ZSCAN31: variants seen among roughly 807,000 people sequenced by gnomAD.
ZSCAN31 encodes the protein zinc finger and SCAN domain-containing protein 31.
A neutral mutation model predicts 22.5 loss-of-function variants in ZSCAN31; 14 were observed. The observed-to-expected ratio is 0.62, with a 90% confidence interval of 0.41 to 0.97. The LOEUF (loss-of-function observed/expected upper bound fraction) is 0.97. Among genes scored for constraint, ZSCAN31 ranks in the 50% least tolerant of loss-of-function variants. The pLI is 0.00. For synonymous variants in ZSCAN31, 168 were observed against 169.8 expected (o/e 0.99, Z 0.08); for missense variants, 424 against 483.4 (o/e 0.88, Z 1.15).
chr6:28,354,181 T>TTC (rs1561931146), exon 1 of ZSCAN31: 4 of 338,240 alleles, frequency 1.2e-5, no homozygotes, highest in East Asian at 7.9e-5. Flanking sequence ...TCAGCAGTTT[T>TTC]TCTCTCTCTC....
At chr6:28,354,186 T>C (rs554970047) in exon 1 of ZSCAN31, 69 of 346,086 alleles carry the variant, frequency 2.0e-4, no homozygotes, top group Admixed American at 1.4e-3. Flanking sequence ...AGTTTTTCTC[T>C]CTCTCTCTGG....
chr6:28,334,474 T>C (rs887195842), intron 1 of ZSCAN31, among the ~76,000 whole-genome samples: 1 of 152,228 alleles, frequency 6.6e-6, no homozygotes, highest in Non-Finnish European at 1.5e-5. Flanking sequence ...CACGTCAGCA[T>C]AATTAACAAC....
At chr6:28,337,395 G>A (rs1764229847), upstream of ZSCAN31, among the ~76,000 whole-genome samples, 1 of 152,166 alleles carries the variant, frequency 6.6e-6, no homozygotes, top group South Asian at 2.1e-4. Flanking sequence ...AGCCATGTGG[G>A]GATGGACTGT....
At position 28,331,583 on chromosome 6, in the gene ZSCAN31, T is replaced by A. The variant is rs1763745624; in HGVS notation, c.-95-1805A>T. Among the ~76,000 whole-genome samples, 1 of 151,878 alleles carries A rather than the reference T, an allele frequency of 6.6e-6. No homozygotes were observed. Among genetic ancestry groups the A allele is most frequent in the Non-Finnish European group, 1.5e-5 (1 of 68,036 alleles). On this transcript the variant is annotated intron_variant, in intron 1 of 3. Transcript: ENST00000344279. This position sits in a 1 kb window ranked among gnomAD's most constrained non-coding sequence, Gnocchi z 4.8. ...ATGGCATTTATTCTTTGTCAATGTCTAATGCCAAATGTATATCTTTTTACT... is the reference window on the plus strand; with the variant it reads ...ATGGCATTTATTCTTTGTCAATGTCAAATGCCAAATGTATATCTTTTTACT...
rs1378233751 is a variant in ZSCAN31, at chr6:28,351,743, CCT to C, written c.-371+2117_-371+2118del. 6.6e-6 allele frequency among the ~76,000 whole-genome samples: 1 copy of C among 151,686 alleles called. No homozygotes were observed. The highest frequency in any genetic ancestry group is 2.4e-5 in the African/African-American group (1 of 41,216). On this transcript the variant is annotated intron_variant, in intron 2 of 7. Coordinates refer to the ZSCAN31 transcript ENST00000396838. This position sits in a 1 kb window ranked among gnomAD's most constrained non-coding sequence, Gnocchi z 4.6. ...CTTCCTTTCCTTCCCTCCCTCTCCC[CCT>C]CTTTATCTCTTTTTTTTCCTCATTT...
Position 28,326,216 on chromosome 6 carries a change from G to T in ZSCAN31, c.1171C>A (p.Arg391=), listed in dbSNP as rs752808108. ...CSQCSKLFSK[R]TLLKKHQKIH... ...TTCTGATGTTTCTTAAGAAGTGTCCGCTTACTAAAGAGTTTACTGCACTGA... is the reference window on the plus strand; with the variant it reads ...TTCTGATGTTTCTTAAGAAGTGTCCTCTTACTAAAGAGTTTACTGCACTGA... Residue 391 remains arginine, a synonymous_variant, in exon 4 of 4, where the codon CGG becomes AGG. Transcript: ENST00000344279. The T allele has an allele frequency of 1.2e-6, 2 of 1,612,438 alleles. No homozygotes were observed. The highest frequency in any genetic ancestry group is 1.7e-6 in the Non-Finnish European group (2 of 1,179,252).
chr6:28,329,759 T>A lies in ZSCAN31; in HGVS notation c.-76A>T. ...TGTGATTTAAAATTTTCTGATTTAA[T>A]CTTCCTTAGGAGAAGACACCTGATG... On this transcript the variant is annotated 5_prime_UTR_variant, in exon 2 of 4. Transcript: ENST00000344279. The A allele has an allele frequency of 6.7e-7, 1 of 1,502,590 alleles. No homozygotes were observed. Among genetic ancestry groups the A allele is most frequent in the South Asian group, 1.3e-5 (1 of 74,232 alleles). 93.1% of individuals were successfully genotyped at this position (1,502,590 alleles called of 1,614,324 possible). A position where few individuals can be genotyped will look rare whatever the true frequency, so the allele number is the denominator to read the frequency against.
At position 28,326,087 on chromosome 6, in the gene ZSCAN31, T is replaced by C; in HGVS notation, c.*79A>G. Reference sequence around the variant, plus strand: ...CTGAGGGTCCACAGAATTAGTCCAGTTCTGCTGGAACAGTATGGATTCTAA... The same window carrying C: ...CTGAGGGTCCACAGAATTAGTCCAGCTCTGCTGGAACAGTATGGATTCTAA... On this transcript the variant is annotated 3_prime_UTR_variant, in exon 4 of 4. Transcript: ENST00000344279. The C allele has an allele frequency of 7.4e-7, 1 of 1,359,968 alleles. No individual in the cohort carries two copies. The highest frequency in any genetic ancestry group is 1.0e-6 in the Non-Finnish European group (1 of 996,140). 84.2% of individuals were successfully genotyped at this position (1,359,968 alleles called of 1,614,324 possible).
rs35814746 is a variant in ZSCAN31 at position 28,331,311 on chromosome 6, T to C, written c.-95-1533A>G. ...GACTTTAGTGGTGTAATTTAAGTTT[T>C]ATATGATTTTTGCCCAATGCTAATT... On this transcript the variant is annotated intron_variant, in intron 1 of 3. Coordinates refer to ENST00000344279, the MANE Select transcript of ZSCAN31 (RefSeq NM_030899.5). The surrounding 1 kb of genome is among the most constrained non-coding windows in gnomAD (Gnocchi z 4.8). Among the ~76,000 whole-genome samples the C allele has an allele frequency of 0.042, 6,341 of 152,338 alleles. 223 individuals are homozygous for C. The highest frequency in any genetic ancestry group is 0.073 in the Non-Finnish European group (4,933 of 68,018).
chr6:28,329,425 A>G lies in ZSCAN31; in HGVS notation c.259T>C (p.Phe87Leu), dbSNP rs1392602646. 1 of 1,614,128 alleles carries G rather than the reference A, an allele frequency of 6.2e-7. No individual in the cohort carries two copies. The highest frequency in any genetic ancestry group is 1.3e-5 in the African/African-American group (1 of 75,028). The change falls in exon 2 of 4, where the codon TTC (phenylalanine) becomes CTC (leucine). Residue 87 changes from phenylalanine to leucine, a missense_variant. Physicochemically the swap from Phe to Leu is conservative, Grantham distance 22. Coordinates refer to ENST00000344279, the MANE Select transcript of ZSCAN31 (RefSeq NM_030899.5). ...AGCTCCTCAGGCAGGATAGTCAGGA[A>G]TTGCTCCAGCACCAGCAGCTCCAAG... ...QILELLVLEQ[F>L]LTILPEELQA...
chr6:28,330,378 G>A (rs1022989754), intron 1 of ZSCAN31, among the ~76,000 whole-genome samples: 2 of 152,158 alleles, frequency 1.3e-5, no homozygotes, highest in Non-Finnish European at 1.5e-5. Context: ...TGCCACCAAC[G>A]TTTTGTGGCT....
In ZSCAN31 at chr6:28,347,935, A is replaced by G. The variant is rs1764710804; in HGVS notation, c.-371+5927T>C. 6.6e-6 allele frequency among the ~76,000 whole-genome samples: 1 copy of G among 152,232 alleles called. No individual in the cohort carries two copies. Among genetic ancestry groups the G allele is most frequent in the Non-Finnish European group, 1.5e-5 (1 of 68,038 alleles). ...GTTATTACTCAGGTGTTGGTATAAA[A>G]TGATTTAAAATTTGCCTTTATTTAA... On this transcript the variant is annotated intron_variant, in intron 2 of 7. Transcript: ENST00000396838. This position sits in a 1 kb window ranked among gnomAD's most constrained non-coding sequence, Gnocchi z 5.2.
At chr6:28,346,098 T>C (rs1316186527) in intron 2 of ZSCAN31, among the ~76,000 whole-genome samples, 5 of 152,058 alleles carry the variant, frequency 3.3e-5, no homozygotes, top group Non-Finnish European at 7.4e-5. Flanking sequence ...AGAAGAACAC[T>C]TTCACCATGA....
In ZSCAN31 at chr6:28,333,061, GA is replaced by G. The variant is rs1763882305; in HGVS notation, c.-96+3020del. 2.0e-5 allele frequency among the ~76,000 whole-genome samples: 3 copies of G among 152,206 alleles called. No individual in the cohort carries two copies. The highest frequency in any genetic ancestry group is 1.3e-4 in the Admixed American group (2 of 15,280). ...TAGTGGAGTTGATGACTTGACTGCA[GA>G]AACAGTCAAAGACATCCTAGAATTC... On this transcript the variant is annotated intron_variant, in intron 1 of 3. Coordinates refer to ENST00000344279, the MANE Select transcript of ZSCAN31 (RefSeq NM_030899.5). The surrounding 1 kb of genome is among the most constrained non-coding windows in gnomAD (Gnocchi z 4.1).
intron 3 of ZSCAN31, chr6:28,341,687 C>G (rs781440917): frequency 6.6e-6 from 1 of 152,258 alleles, no homozygotes; most frequent in African/African-American, 2.4e-5. Flanking sequence ...AAAATTGGAG[C>G]ATGCATCCTC....
chr6:28,327,492 C>T lies in ZSCAN31; in HGVS notation c.423G>A (p.Glu141=), dbSNP rs1158428981. 1.9e-6 allele frequency: 3 copies of T among 1,613,738 alleles called. No homozygotes were observed. Among genetic ancestry groups the T allele is most frequent in the East Asian group, 2.2e-5 (1 of 44,878 alleles). The change falls in exon 3 of 4, where the codon GAG becomes GAA. Residue 141 remains glutamate (E), a synonymous_variant. Coordinates refer to ENST00000344279, the MANE Select transcript of ZSCAN31 (RefSeq NM_030899.5). ...HEHGHSEVLL[E]DVEHLKVKQE... ...GCTTGACCTTCAGATGTTCCACATC[C>T]TCCAAGAGCACTTCAGAATGTCCAT...
At chr6:28,332,634 A>G (rs988385345) in intron 1 of ZSCAN31, among the ~76,000 whole-genome samples, 28 of 152,238 alleles carry the variant, frequency 1.8e-4, no homozygotes, top group Admixed American at 1.7e-3. Flanking sequence ...TAGTAAATTG[A>G]ATATCTTCAT....
upstream of ZSCAN31, among the ~76,000 whole-genome samples, chr6:28,338,238 A>C (rs1764278491): frequency 1.3e-5 from 2 of 152,096 alleles, no homozygotes; most frequent in South Asian, 4.1e-4. Context: ...ATCTCTACCC[A>C]AAATACAAAA....
At position 28,326,140 on chromosome 6, in the gene ZSCAN31, T is replaced by G; in HGVS notation, c.*26A>C. On this transcript the variant is annotated 3_prime_UTR_variant, in exon 4 of 4. Transcript: ENST00000344279. Reference sequence around the variant, plus strand: ...TGCCTAATAAGGTTGCAATGATGACTGAAGGCTTTCCCAAACTCATCACCC... The same window carrying G: ...TGCCTAATAAGGTTGCAATGATGACGGAAGGCTTTCCCAAACTCATCACCC... 1 of 1,571,832 alleles carries G rather than the reference T, an allele frequency of 6.4e-7. No individual in the cohort carries two copies. Among genetic ancestry groups the G allele is most frequent in the Non-Finnish European group, 8.6e-7 (1 of 1,156,602 alleles).
Sources: allele counts gnomAD v4.1 joint callset (sites outside exome capture counted in the v4.1 genomes callset), GRCh38; gene constraint gnomAD v4.1.1; non-coding constraint Gnocchi (gnomAD v3.1); transcripts MANE v1.5; gene names NCBI Gene and HGNC (gene_info 2026-07-23, HGNC 2026-07-21).